The following FANCM variants were observed in gnomAD, a reference collection of about 807,000 sequenced individuals.
FANCM encodes FA complementation group M, also known as Fanconi anemia group M protein.
A neutral mutation model predicts 199.5 loss-of-function variants in FANCM; 140 were observed. The ratio of observed to expected loss-of-function variants is 0.70; its 90% confidence interval spans 0.61 to 0.81. The LOEUF is 0.81. Among genes scored for constraint, FANCM ranks in the 30% least tolerant of loss-of-function variants. The pLI is 0.00. For missense variants in FANCM, 2,410 were observed against 2,421.4 expected (o/e 1.00, Z 0.10); for synonymous variants, 840 against 836.8 (o/e 1.00, Z -0.07).
intron 14 of FANCM, among the ~76,000 whole-genome samples, chr14:45,181,130 A>C (rs1252408870): frequency 6.6e-6 from 1 of 152,232 alleles, no homozygotes; most frequent in Non-Finnish European, 1.5e-5. Flanking sequence ...CCAGTGACTA[A>C]TGAAATTACT....
chr14:45,151,431 G>A lies in FANCM; in HGVS notation c.953G>A (p.Arg318Lys). Residue 318 changes from arginine to lysine, a missense_variant, in exon 5 of 23, where the codon AGG becomes AAG. Transcript: ENST00000267430. ...LESFARSLIQ[R>K]NVLMRRDIPN... ...TCATTTGCTCGTTCTTTGATTCAGA[G>A]GAATGTTTTGATGAGAAGGGATATC... is the stretch of plus-strand genomic sequence containing the variant. The A allele has an allele frequency of 1.2e-6, 2 of 1,613,584 alleles. No individual in the cohort carries two copies. Among genetic ancestry groups the A allele is most frequent in the Admixed American group, 3.3e-5 (2 of 60,014 alleles).
intron 20 of FANCM, among the ~76,000 whole-genome samples, chr14:45,192,762 G>T (rs1260611793): frequency 6.6e-6 from 1 of 152,106 alleles, no homozygotes; most frequent in African/African-American, 2.4e-5. Context: ...CTGGGAGGTT[G>T]AGGTTGCGGT....
At position 45,164,354 on chromosome 14, in the gene FANCM, T is replaced by C. The variant is rs1887811992; in HGVS notation, c.1582-5T>C. 1 of 1,607,560 alleles carries C rather than the reference T, an allele frequency of 6.2e-7. No individual in the cohort carries two copies. The highest frequency in any genetic ancestry group is 8.5e-7 in the Non-Finnish European group (1 of 1,175,416). ...GTAGTTATTTTTCAATTGTTTTTAT[T>C]TTAGGTAGTGAAACAGTTTCGTGAC... On this transcript the variant is annotated splice_polypyrimidine_tract_variant and splice_region_variant and intron_variant, in intron 9 of 22. Transcript: ENST00000267430.
At chr14:45,142,985 ATTG>A (rs1002358335) in intron 3 of FANCM, among the ~76,000 whole-genome samples, 1 of 151,960 alleles carries the variant, frequency 6.6e-6, no homozygotes, top group Admixed American at 6.6e-5. Flanking sequence ...TGCAACAATT[ATTG>A]TTGTGGTATT....
At chr14:45,195,345 A>G (rs1241333531) in intron 20 of FANCM, 19 of 331,338 alleles carry the variant, frequency 5.7e-5, no homozygotes, top group Non-Finnish European at 4.9e-5. Context: ...GAGGGCCAGT[A>G]TGTAGATACC....
chr14:45,140,568 T>A, intron 2 of FANCM, 64 bp from the exon 3 acceptor site: 2 of 870,274 alleles, frequency 2.3e-6, no homozygotes, highest in Non-Finnish European at 3.9e-6. Flanking sequence ...AATAGGTTGT[T>A]TAACAGAACC....
At chr14:45,171,398 A>G (rs1888330609) in intron 12 of FANCM, among the ~76,000 whole-genome samples, 1 of 151,478 alleles carries the variant, frequency 6.6e-6, no homozygotes, top group Non-Finnish European at 1.5e-5. Context: ...CTTAGTGGTG[A>G]TTTCTGAGAT....
intron 20 of FANCM, among the ~76,000 whole-genome samples, chr14:45,193,022 G>C (rs1181607641): frequency 4.8e-4 from 73 of 152,150 alleles, no homozygotes; most frequent in Admixed American, 4.8e-3. Flanking sequence ...CTTTTTCCTA[G>C]TACAGTCCTT....
chr14:45,176,712 T>C lies in FANCM; in HGVS notation c.3958T>C (p.Leu1320=). Residue 1320 remains leucine (L), a synonymous_variant, in exon 14 of 23, where the codon TTG becomes CTG. Transcript: ENST00000267430. The stretch of plus-strand genomic sequence containing the variant: ...ACTGAGTGCAGCAAAAAATGAAGAA[T>C]TGTTATCTCCTGGTTATTCTCAGTT... The part of the protein sequence containing the change: ...LPLSAAKNEE[L]LSPGYSQFSL... 6.2e-7 allele frequency: 1 copy of C among 1,613,614 alleles called. No individual in the cohort carries two copies. The highest frequency in any genetic ancestry group is 8.5e-7 in the Non-Finnish European group (1 of 1,179,750).
At chr14:45,170,794 A>G (rs767327661) in intron 12 of FANCM, 48 bp downstream of exon 12, 30 of 1,468,272 alleles carry the variant, frequency 2.0e-5, no homozygotes, top group Non-Finnish European at 2.8e-5. Context: ...CCTCATTTTA[A>G]TGCCAGAACC....
At position 45,175,382 on chromosome 14, in the gene FANCM, T is replaced by C. The variant is rs374313777; in HGVS notation, c.2628T>C (p.Asp876=). Residue 876 remains aspartate (D), a synonymous_variant, in exon 14 of 23, where the codon GAT becomes GAC. Coordinates refer to ENST00000267430, the MANE Select transcript of FANCM (RefSeq NM_020937.4). ...AAGAAAATAATCACGGTATTATAGA[T>C]TCTGTAGATAATGACAGAAATTCCA... The part of the protein sequence containing the change: ...LKKENNHGII[D]SVDNDRNSTV... 16 of 1,563,700 alleles carry C rather than the reference T, an allele frequency of 1.0e-5. 2 individuals carry two copies. Among genetic ancestry groups the C allele is most frequent in the African/African-American group, 2.8e-5 (2 of 72,628 alleles).
chr14:45,148,273 TC>T (rs1370153145), intron 3 of FANCM, among the ~76,000 whole-genome samples: 2 of 150,512 alleles, frequency 1.3e-5, no homozygotes, highest in Non-Finnish European at 3.0e-5. Context: ...CAGGATCCTC[TC>T]TTTTTTTTTT....
intron 21 of FANCM, 128 bp from the exon 22 acceptor site, chr14:45,198,516 A>G: frequency 3.4e-6 from 2 of 580,734 alleles, no homozygotes; most frequent in South Asian, 5.9e-5. Context: ...AGGGTTTCTC[A>G]TTAGCAGAAT....
In FANCM at chr14:45,188,898, G is replaced by A. The variant is rs370656409; in HGVS notation, c.4876G>A (p.Asp1626Asn). 6.2e-7 allele frequency: 1 copy of A among 1,613,678 alleles called. No individual in the cohort carries two copies. Among genetic ancestry groups the A allele is most frequent in the African/African-American group, 1.3e-5 (1 of 74,912 alleles). Residue 1626 changes from aspartate to asparagine, a missense_variant, in exon 20 of 23, where the codon GAT becomes AAT. Physicochemically the swap from Asp to Asn is conservative, Grantham distance 23. Transcript: ENST00000267430. ...GQSSEEEVCV[D>N]FNLITDDCFA... ...ATCAAGTGAAGAAGAAGTTTGTGTT[G>A]ATTTTAACTTAATAACTGATGATTG... is the stretch of plus-strand genomic sequence containing the variant.
intron 4 of FANCM, among the ~76,000 whole-genome samples, chr14:45,150,349 A>G (rs888661998): frequency 1.6e-4 from 25 of 152,348 alleles, no homozygotes; most frequent in African/African-American, 5.5e-4. Flanking sequence ...GATAATTCTT[A>G]TAATCATATA....
chr14:45,174,667 A>C (rs1261930819), intron 13 of FANCM, among the ~76,000 whole-genome samples: 1 of 152,194 alleles, frequency 6.6e-6, no homozygotes, highest in Non-Finnish European at 1.5e-5. Context: ...ACTGTCATTG[A>C]AAGAGTAAAT....
At chr14:45,164,264 T>C in intron 9 of FANCM, 95 bp from the exon 10 acceptor site, 1 of 1,028,256 alleles carries the variant, frequency 9.7e-7, no homozygotes, top group East Asian at 2.5e-5. Context: ...TTTAATCTGA[T>C]TTTACTATTT....
At chr14:45,154,987 A>T (rs1052996972) in intron 7 of FANCM, among the ~76,000 whole-genome samples, 165 bp downstream of exon 7, 1 of 152,206 alleles carries the variant, frequency 6.6e-6, no homozygotes, top group African/African-American at 2.4e-5. Flanking sequence ...TATATATTCA[A>T]ATTTAAAGTT....
Position 45,135,952 on chromosome 14 carries a change from C to G in FANCM, c.-80C>G. On this transcript the variant is annotated 5_prime_UTR_variant, in exon 1 of 23. Transcript: ENST00000267430. ...GTTCCAGAGTTTTGTGCGAAGGAAA[C>G]CGATGGGGATCGGAACCGTAGCGGT... 3 of 1,500,962 alleles carry G rather than the reference C, an allele frequency of 2.0e-6. No individual in the cohort carries two copies. The South Asian group carries it at 3.4e-5, about 17-fold the overall frequency. The allele number at this position is 1,500,962 out of a possible 1,614,324, so 93.0% of individuals were successfully genotyped here.
Sources: gnomAD v4.1 joint callset for allele counts (sites outside exome capture counted in the v4.1 genomes callset) on GRCh38, gnomAD v4.1.1 for gene constraint, MANE v1.5 for transcripts, NCBI Gene and HGNC (gene_info 2026-07-23, HGNC 2026-07-21) for gene names.